The following CSNK1G3 variants were observed in gnomAD, a reference collection of about 807,000 sequenced individuals.
CSNK1G3 encodes casein kinase I isoform gamma-3.
Under a neutral mutation model 64.3 loss-of-function variants are expected in CSNK1G3, and 23 were observed. The ratio of observed to expected loss-of-function variants is 0.36; its 90% CI spans 0.26 to 0.51. CSNK1G3 has a LOEUF of 0.51. Among genes scored for constraint, CSNK1G3 ranks in the 20% least tolerant of loss-of-function variants. The pLI is 0.96. For synonymous variants in CSNK1G3, 158 were observed against 162.2 expected (o/e 0.97, Z 0.20); for missense variants, 357 against 510.5 (o/e 0.70, Z 2.90).
chr5:123,587,997 G>T, intron 6 of CSNK1G3, 71 bp from the exon 7 acceptor site: 1 of 977,924 alleles, frequency 1.0e-6, no homozygotes, highest in Non-Finnish European at 1.5e-6. Flanking sequence ...CATAATGAAA[G>T]AACAAACTCT....
intron 4 of CSNK1G3, among the ~76,000 whole-genome samples, chr5:123,562,294 C>T: frequency 6.6e-6 from 1 of 151,994 alleles, no homozygotes; most frequent in East Asian, 1.9e-4. Context: ...CCTTTGAAAC[C>T]TTTATTTTTC....
intron 4 of CSNK1G3, among the ~76,000 whole-genome samples, chr5:123,560,895 G>A (rs1785570378): frequency 6.6e-6 from 1 of 152,064 alleles, no homozygotes; most frequent in African/African-American, 2.4e-5. Flanking sequence ...TGGATGGATG[G>A]TGGGGATGGT....
intron 10 of CSNK1G3, among the ~76,000 whole-genome samples, chr5:123,596,960 G>A (rs1457034742): frequency 6.6e-6 from 1 of 151,956 alleles, no homozygotes; most frequent in Non-Finnish European, 1.5e-5. Context: ...AAAATTATTT[G>A]AAAATTTGTA....
At chr5:123,575,659 C>G (rs1581222637) in intron 5 of CSNK1G3, 70 bp from the exon 6 acceptor site, 2 of 861,280 alleles carry the variant, frequency 2.3e-6, no homozygotes, top group East Asian at 5.0e-5. Flanking sequence ...TTCTGTCTTG[C>G]CTTTATCATA....
chr5:123,546,084 A>G (rs1394135465), intron 2 of CSNK1G3: 1 of 393,830 alleles, frequency 2.5e-6, no homozygotes, highest in African/African-American at 2.0e-5. Flanking sequence ...AAAACAAACA[A>G]TTAAATTAAA....
At chr5:123,590,097 G>A (rs1792069780) in intron 8 of CSNK1G3, among the ~76,000 whole-genome samples, 1 of 151,934 alleles carries the variant, frequency 6.6e-6, no homozygotes, top group Non-Finnish European at 1.5e-5. Context: ...TTATTAAACT[G>A]CTTATTCAAC....
intron 10 of CSNK1G3, among the ~76,000 whole-genome samples, chr5:123,601,198 G>C (rs533163674): frequency 6.6e-6 from 1 of 152,004 alleles, no homozygotes; most frequent in Non-Finnish European, 1.5e-5. Flanking sequence ...GTGCATATTT[G>C]ATTGTTTTAG....
chr5:123,615,626 A>G (rs1366503106), exon 13 of CSNK1G3: 1 of 152,160 alleles, frequency 6.6e-6, no homozygotes, highest in African/African-American at 2.4e-5. Flanking sequence ...AATTCTGTAA[A>G]AAAGGAAGCC....
chr5:123,613,410 C>CGT (rs1476459880), intron 12 of CSNK1G3, among the ~76,000 whole-genome samples: 12 of 119,594 alleles, frequency 1.0e-4, no homozygotes, highest in African/African-American at 2.0e-4. Flanking sequence ...ATGTCCAGTG[C>CGT]ATGTGTGTGT....
chr5:123,525,097 T>C (rs1778805638), intron 1 of CSNK1G3, among the ~76,000 whole-genome samples: 1 of 152,110 alleles, frequency 6.6e-6, no homozygotes, highest in Non-Finnish European at 1.5e-5. Context: ...TCATATTTTC[T>C]GTTGTTGCTC....
chr5:123,520,411 T>A (rs1348825994), intron 1 of CSNK1G3, among the ~76,000 whole-genome samples: 1 of 152,048 alleles, frequency 6.6e-6, no homozygotes, highest in African/African-American at 2.4e-5. Flanking sequence ...CTTCATTTAC[T>A]TCTCTATATT....
chr5:123,562,465 A>G (rs1373652032), intron 4 of CSNK1G3, among the ~76,000 whole-genome samples: 3 of 152,056 alleles, frequency 2.0e-5, no homozygotes, highest in Non-Finnish European at 4.4e-5. Flanking sequence ...ATAAATTCTT[A>G]ACTAACAATA....
At chr5:123,519,174 A>C (rs147758070) in intron 1 of CSNK1G3, among the ~76,000 whole-genome samples, 1,795 of 151,608 alleles carry the variant, frequency 0.012, 42 homozygotes, top group African/African-American at 0.041. Flanking sequence ...CTGCCTCAGC[A>C]TCCTGAGTAG....
At chr5:123,526,148 C>T (rs1779027323) in intron 1 of CSNK1G3, among the ~76,000 whole-genome samples, 1 of 152,050 alleles carries the variant, frequency 6.6e-6, no homozygotes, top group Non-Finnish European at 1.5e-5. Context: ...GGTGATACTC[C>T]CATCTCAGCC....
intron 12 of CSNK1G3, among the ~76,000 whole-genome samples, chr5:123,610,620 G>A (rs1397139617): frequency 1.3e-5 from 2 of 152,188 alleles, no homozygotes; most frequent in East Asian, 3.8e-4. Flanking sequence ...TTGATTGCCT[G>A]TTTGTTGCCT....
chr5:123,563,909 A>C (rs1330784496), intron 4 of CSNK1G3, among the ~76,000 whole-genome samples: 1 of 152,114 alleles, frequency 6.6e-6, no homozygotes, highest in African/African-American at 2.4e-5. Context: ...GTTAGTCAGT[A>C]GTGTAAACTT....
At chr5:123,543,588 A>T (rs1031225340) in intron 1 of CSNK1G3, among the ~76,000 whole-genome samples, 15 of 152,040 alleles carry the variant, frequency 9.9e-5, no homozygotes, top group Non-Finnish European at 1.8e-4. Context: ...GCAAATTCTG[A>T]TCTGTGATCA....
intron 1 of CSNK1G3, among the ~76,000 whole-genome samples, chr5:123,537,935 G>A (rs1781105068): frequency 6.6e-6 from 1 of 152,116 alleles, no homozygotes; most frequent in African/African-American, 2.4e-5. Context: ...TCATGTAATA[G>A]GTAATTGTTT....
intron 9 of CSNK1G3, among the ~76,000 whole-genome samples, chr5:123,590,862 A>G (rs550276533): frequency 1.5e-3 from 229 of 152,128 alleles, no homozygotes; most frequent in African/African-American, 4.9e-3. Flanking sequence ...TAATACTTCA[A>G]TCCCTTGATG....
Sources: gnomAD v4.1 joint callset for allele counts (sites outside exome capture counted in the v4.1 genomes callset) on GRCh38, gnomAD v4.1.1 for gene constraint, MANE v1.5 for transcripts, NCBI Gene and HGNC (gene_info 2026-07-23, HGNC 2026-07-21) for gene names.